Variants in CLVS1 observed in about 807,000 individuals in gnomAD.
The protein encoded by CLVS1 is clavesin-1.
Under a neutral mutation model 33.1 loss-of-function variants are expected in CLVS1, and 10 were observed. That is an observed-to-expected ratio of 0.30 (90% CI 0.19 to 0.51). CLVS1 has a LOEUF of 0.51. CLVS1 is among the 20% of genes least tolerant of loss of function. CLVS1 has a pLI of 0.97. For missense variants in CLVS1, 343 were observed against 433.4 expected (o/e 0.79, Z 1.85); for synonymous variants, 163 against 166.1 (o/e 0.98, Z 0.14).
At chr8:61,422,311 C>T (rs1024622376) in intron 3 of CLVS1, among the ~76,000 whole-genome samples, 2 of 152,172 alleles carry the variant, frequency 1.3e-5, no homozygotes, top group East Asian at 1.9e-4. Context: ...TGACTATTTA[C>T]CAAGTCCTCT....
At chr8:61,134,213 C>T (rs915181834) in intron 2 of CLVS1, among the ~76,000 whole-genome samples, 2 of 152,166 alleles carry the variant, frequency 1.3e-5, no homozygotes, top group Non-Finnish European at 2.9e-5. Context: ...GATCACTCCA[C>T]TCTGCTCAGC....
At chr8:61,406,287 C>A (rs1814981910) in intron 3 of CLVS1, among the ~76,000 whole-genome samples, 2 of 152,148 alleles carry the variant, frequency 1.3e-5, no homozygotes, top group Non-Finnish European at 2.9e-5. Flanking sequence ...AACTCCAAAC[C>A]ATTCTACAAA....
At chr8:61,084,293 A>T (rs4738863) in intron 1 of CLVS1, among the ~76,000 whole-genome samples, 73,061 of 152,040 alleles carry the variant, frequency 0.48, 19,616 homozygotes, top group African/African-American at 0.72. Flanking sequence ...GGACAACTAG[A>T]CAACTTGTAA....
the CLVS1 span, chr8:60,966,263 A>G: frequency 2.5e-6 from 1 of 405,176 alleles, no homozygotes; most frequent in Non-Finnish European, 4.9e-6. Flanking sequence ...GAAATGGGGA[A>G]GTTGGTCAGC....
chr8:61,423,528 T>A (rs530007182), intron 3 of CLVS1, among the ~76,000 whole-genome samples: 1 of 152,314 alleles, frequency 6.6e-6, no homozygotes, highest in African/African-American at 2.4e-5. Context: ...CCTTTCAAAG[T>A]GAAACCTTGT....
the CLVS1 span, among the ~76,000 whole-genome samples, chr8:61,039,349 G>A: frequency 0.08 from 12,142 of 152,032 alleles, 606 homozygotes; most frequent in South Asian, 0.14. Flanking sequence ...TTCACTAATG[G>A]GTTGAGCCCC....
chr8:61,298,980 G>C (rs1418915920), intron 1 of CLVS1, among the ~76,000 whole-genome samples: 2 of 152,102 alleles, frequency 1.3e-5, no homozygotes, highest in Non-Finnish European at 2.9e-5. Flanking sequence ...CCTAGTAAAA[G>C]AATGGCAAAT....
At chr8:61,358,759 A>G (rs1585855872) in intron 2 of CLVS1, among the ~76,000 whole-genome samples, 1 of 152,238 alleles carries the variant, frequency 6.6e-6, no homozygotes, top group Admixed American at 6.5e-5. Context: ...TCAAGTGATC[A>G]AGACACTATG....
intron 2 of CLVS1, among the ~76,000 whole-genome samples, chr8:61,219,307 C>T (rs745681282): frequency 2.0e-5 from 3 of 152,272 alleles, no homozygotes; most frequent in African/African-American, 4.8e-5. Flanking sequence ...CTCACTTCCC[C>T]CCACCAACAG....
intron 2 of CLVS1, among the ~76,000 whole-genome samples, chr8:61,247,908 A>C (rs1001401635): frequency 6.6e-6 from 1 of 151,996 alleles, no homozygotes; most frequent in Admixed American, 6.6e-5. Flanking sequence ...AGGGTTTTTA[A>C]CATTTTGGGT....
intron 2 of CLVS1, among the ~76,000 whole-genome samples, chr8:61,206,743 C>T (rs1404919450): frequency 1.3e-5 from 2 of 152,004 alleles, no homozygotes; most frequent in Non-Finnish European, 2.9e-5. Context: ...CGCCTGCCAC[C>T]ACGCCCAGCT....
intron 2 of CLVS1, among the ~76,000 whole-genome samples, chr8:61,170,864 A>G (rs916075130): frequency 6.6e-6 from 1 of 152,210 alleles, no homozygotes; most frequent in Non-Finnish European, 1.5e-5. Context: ...GTCTTGATTT[A>G]CCATATTGTA....
At chr8:61,365,067 A>G (rs1813138650) in intron 2 of CLVS1, among the ~76,000 whole-genome samples, 1 of 152,232 alleles carries the variant, frequency 6.6e-6, no homozygotes, top group African/African-American at 2.4e-5. Flanking sequence ...AAAATCATTC[A>G]AAGCAATGTA....
In CLVS1 at chr8:61,500,061, A is replaced by G. The variant is rs1804524875; in HGVS notation, c.*519A>G. 1 of 152,972 alleles carries G rather than the reference A, an allele frequency of 6.5e-6. No homozygotes were observed. Among genetic ancestry groups the G allele is most frequent in the African/African-American group, 2.4e-5 (1 of 41,458 alleles). The allele number at this position is 152,972 out of a possible 1,614,324, so 9.5% of individuals were successfully genotyped here. A position where few individuals can be genotyped will look rare whatever the true frequency, so the allele number is the denominator to read the frequency against. On this transcript the variant is annotated 3_prime_UTR_variant, in exon 6 of 6. Transcript: ENST00000325897. ...AATTATTTCCTTTGACCTCATCACCAGCATCGAATTGTTCAGCCTAAGAGC... is the reference window on the plus strand; with the variant it reads ...AATTATTTCCTTTGACCTCATCACCGGCATCGAATTGTTCAGCCTAAGAGC...
At chr8:61,048,529 G>A in the CLVS1 span, among the ~76,000 whole-genome samples, 4 of 152,208 alleles carry the variant, frequency 2.6e-5, no homozygotes, top group Non-Finnish European at 5.9e-5. Flanking sequence ...CTAACAGCTA[G>A]CAAGTCTTTC....
chr8:61,326,136 G>C (rs1358369112), intron 2 of CLVS1, among the ~76,000 whole-genome samples: 1 of 152,082 alleles, frequency 6.6e-6, no homozygotes, highest in Non-Finnish European at 1.5e-5. Context: ...GCCTTCATTT[G>C]CAACACAGAA....
chr8:60,973,654 C>T, the CLVS1 span, among the ~76,000 whole-genome samples: 1 of 152,170 alleles, frequency 6.6e-6, no homozygotes, highest in African/African-American at 2.4e-5. Flanking sequence ...GTGGGGTTGC[C>T]TTTTGACTTG....
chr8:61,452,125 T>A (rs1427117686), intron 3 of CLVS1, among the ~76,000 whole-genome samples: 1 of 152,054 alleles, frequency 6.6e-6, no homozygotes, highest in South Asian at 2.1e-4. Context: ...AATTACAGAG[T>A]CTCAGCACTG....
At chr8:61,012,013 G>A in the CLVS1 span, among the ~76,000 whole-genome samples, 2 of 152,210 alleles carry the variant, frequency 1.3e-5, no homozygotes, top group Non-Finnish European at 2.9e-5. Flanking sequence ...AGTGTGGCAA[G>A]GCACACCTTT....
Sources: gnomAD v4.1 joint callset for allele counts (sites outside exome capture counted in the v4.1 genomes callset) on GRCh38, gnomAD v4.1.1 for gene constraint, MANE v1.5 for transcripts, NCBI Gene and HGNC (gene_info 2026-07-23, HGNC 2026-07-21) for gene names.